ME1: variants seen among roughly 807,000 people sequenced by gnomAD.
ME1 encodes the protein malic enzyme 1.
In ME1, 74 loss-of-function variants were observed where a neutral mutation model predicts 66.4. The ratio of observed to expected loss-of-function variants is 1.11; its 90% confidence interval spans 0.92 to 1.35. ME1 has a LOEUF of 1.35. ME1 is among the 40% of genes most tolerant of loss of function. ME1 has a pLI of 0.00. For missense variants in ME1, 750 were observed against 694.1 expected (o/e 1.08, Z -0.90); for synonymous variants, 251 against 235.6 (o/e 1.07, Z -0.60).
chr6:83,302,102 C>G (rs897688438), intron 6 of ME1, among the ~76,000 whole-genome samples: 3 of 152,118 alleles, frequency 2.0e-5, no homozygotes, highest in Non-Finnish European at 4.4e-5. Context: ...ACATAAGCAC[C>G]ATGAAATACT....
intron 3 of ME1, among the ~76,000 whole-genome samples, chr6:83,361,429 C>A (rs1769005273): frequency 6.6e-6 from 1 of 152,232 alleles, no homozygotes; most frequent in Non-Finnish European, 1.5e-5. Flanking sequence ...ACCTGAAAGA[C>A]TGCCAGTTTT....
intron 13 of ME1, among the ~76,000 whole-genome samples, 171 bp downstream of exon 13, chr6:83,216,327 A>T (rs74490794): frequency 2.0e-5 from 3 of 152,208 alleles, no homozygotes; most frequent in Non-Finnish European, 4.4e-5. Flanking sequence ...TCTGAGAAGC[A>T]AATGTAGCTC....
At chr6:83,414,111 GAAAAAAAAAA>G (rs758493692) in intron 1 of ME1, among the ~76,000 whole-genome samples, 1 of 66,508 alleles carries the variant, frequency 1.5e-5, no homozygotes, top group African/African-American at 5.1e-5. Flanking sequence ...ACCCCATCTT[GAAAAAAAAAA>G]AAAAAAAAAA....
chr6:83,340,226 T>G lies in ME1; in HGVS notation c.600+5947A>C, dbSNP rs578126209. Among the ~76,000 whole-genome samples, 6 of 152,264 alleles carry G rather than the reference T, an allele frequency of 3.9e-5. No individual in the cohort carries two copies. In the South Asian group the frequency reaches 1.2e-3, roughly 32 times the overall value. On this transcript the variant is annotated intron_variant, in intron 5 of 13. Coordinates refer to ENST00000369705, the MANE Select transcript of ME1 (RefSeq NM_002395.6). ...ACATATTACCTATAAATAATGATAATTTTGTCTTTTCCTGTCAGTTATATC... is the reference window on the plus strand; with the variant it reads ...ACATATTACCTATAAATAATGATAAGTTTGTCTTTTCCTGTCAGTTATATC...
At chr6:83,321,524 A>G (rs540134950) in intron 5 of ME1, among the ~76,000 whole-genome samples, 1 of 152,072 alleles carries the variant, frequency 6.6e-6, no homozygotes, top group Non-Finnish European at 1.5e-5. Context: ...CAGTGTAAAT[A>G]AAGCCACTGG....
intron 3 of ME1, among the ~76,000 whole-genome samples, chr6:83,390,605 T>C (rs145869907): frequency 6.6e-6 from 1 of 152,186 alleles, no homozygotes; most frequent in African/African-American, 2.4e-5. Flanking sequence ...TCATCAAAAG[T>C]TCAAGAAAAT....
intron 6 of ME1, among the ~76,000 whole-genome samples, chr6:83,285,934 T>C (rs533026613): frequency 2.0e-5 from 3 of 152,342 alleles, no homozygotes; most frequent in South Asian, 4.1e-4. Flanking sequence ...ATACGGCTTA[T>C]CTTCATGTTT....
chr6:83,230,889 C>T (rs148439437), intron 9 of ME1, among the ~76,000 whole-genome samples: 1,984 of 152,134 alleles, frequency 0.013, 47 homozygotes, highest in African/African-American at 0.045. Flanking sequence ...GCCAAGATCA[C>T]ACCACTGCAC....
At chr6:83,423,880 G>C (rs1438358571) in intron 1 of ME1, among the ~76,000 whole-genome samples, 1 of 152,104 alleles carries the variant, frequency 6.6e-6, no homozygotes, top group East Asian at 1.9e-4. Flanking sequence ...AGGCCACAGT[G>C]GGAGGATTTC....
chr6:83,405,479 AT>A (rs1257931043), intron 2 of ME1, among the ~76,000 whole-genome samples: 2 of 152,200 alleles, frequency 1.3e-5, no homozygotes, highest in African/African-American at 4.8e-5. Flanking sequence ...CTCTCTTCCT[AT>A]TTGAATATGC....
intron 3 of ME1, among the ~76,000 whole-genome samples, chr6:83,387,709 G>A (rs528811076): frequency 8.7e-4 from 133 of 152,164 alleles, no homozygotes; most frequent in African/African-American, 3.1e-3. Flanking sequence ...TTAAATGTAG[G>A]AAAAATATTT....
chr6:83,295,890 C>CT (rs1168195753), intron 6 of ME1, among the ~76,000 whole-genome samples: 2 of 152,072 alleles, frequency 1.3e-5, no homozygotes, highest in African/African-American at 4.8e-5. Context: ...TTATGAACAC[C>CT]TTTATGTACC....
intron 3 of ME1, among the ~76,000 whole-genome samples, chr6:83,388,957 A>G (rs1056451567): frequency 3.3e-5 from 5 of 152,110 alleles, no homozygotes; most frequent in African/African-American, 1.2e-4. Context: ...CTCTACTAAA[A>G]AAATACAAAA....
At chr6:83,307,382 A>G (rs1358442293) in intron 6 of ME1, among the ~76,000 whole-genome samples, 2 of 152,118 alleles carry the variant, frequency 1.3e-5, no homozygotes, top group African/African-American at 4.8e-5. Flanking sequence ...CCCTAGTAAC[A>G]TGACTGCTGA....
chr6:83,231,992 C>T (rs925970326), intron 9 of ME1, among the ~76,000 whole-genome samples: 2 of 152,268 alleles, frequency 1.3e-5, no homozygotes, highest in East Asian at 3.9e-4. Context: ...TTAATTACTA[C>T]CTTTTCAAAA....
At chr6:83,376,850 T>C (rs1312662812) in intron 3 of ME1, among the ~76,000 whole-genome samples, 2 of 136,156 alleles carry the variant, frequency 1.5e-5, no homozygotes, top group Admixed American at 7.9e-5. Context: ...CACATTTTGA[T>C]TGAAAAATGA....
Position 83,352,145 on chromosome 6 carries a change from G to GAAA in ME1, c.363-9_363-7dup, listed in dbSNP as rs35778458. The GAAA allele has an allele frequency of 1.1e-3, 1,030 of 939,150 alleles. No individual in the cohort carries two copies. The highest frequency in any genetic ancestry group is 3.6e-3 in the South Asian group (119 of 32,794). 58.2% of individuals were successfully genotyped at this position (939,150 alleles called of 1,614,324 possible). A position where few individuals can be genotyped will look rare whatever the true frequency, so the allele number is the denominator to read the frequency against. On this transcript the variant is annotated splice_region_variant and splice_polypyrimidine_tract_variant and intron_variant, in intron 3 of 13. Transcript: ENST00000369705. ...GGATAGTAATAAAGAGACCTCTGCA[G>GAAA]AAAAAAAAAAAAAAAAAGGAGTAGT...
chr6:83,343,695 T>A (rs1768632013), intron 5 of ME1, among the ~76,000 whole-genome samples: 1 of 152,140 alleles, frequency 6.6e-6, no homozygotes, highest in African/African-American at 2.4e-5. Flanking sequence ...GTGGATGCGT[T>A]CTGCAGGCTG....
chr6:83,276,305 A>G (rs935999433), intron 6 of ME1, among the ~76,000 whole-genome samples: 1 of 152,224 alleles, frequency 6.6e-6, no homozygotes, highest in Non-Finnish European at 1.5e-5. Context: ...AAAAGTCAGC[A>G]TGAATTGATA....
Sources: gnomAD v4.1 joint callset for allele counts (sites outside exome capture counted in the v4.1 genomes callset) on GRCh38, gnomAD v4.1.1 for gene constraint, MANE v1.5 for transcripts, NCBI Gene and HGNC (gene_info 2026-07-23, HGNC 2026-07-21) for gene names.